SUGP1: variants seen among roughly 807,000 people sequenced by gnomAD.
SUGP1 encodes SURP and G-patch domain containing 1, also known as SURP and G-patch domain-containing protein 1.
In SUGP1, 34 loss-of-function variants were observed where a neutral mutation model predicts 76.5. That is an observed-to-expected ratio of 0.44 (90% CI 0.34 to 0.59). The LOEUF (loss-of-function observed/expected upper bound fraction) is 0.59. SUGP1 is among the 20% of genes least tolerant of loss of function. The pLI, the probability that SUGP1 is intolerant of heterozygous loss-of-function variation, is 0.01. For missense variants in SUGP1, 752 were observed against 851.7 expected, an observed-to-expected ratio of 0.88 and a Z score of 1.46; for synonymous variants, 326 against 326.2, an observed-to-expected ratio of 1.00 and a Z score of 0.01.
At chr19:19,299,542 T>G (rs1047849090) in intron 7 of SUGP1, among the ~76,000 whole-genome samples, 2 of 150,558 alleles carry the variant, frequency 1.3e-5, no homozygotes, top group East Asian at 3.9e-4. Flanking sequence ...CCGGCTAATT[T>G]TTTTTTTTTT....
chr19:19,315,145 A>G (rs866443814), intron 2 of SUGP1, among the ~76,000 whole-genome samples: 22 of 152,122 alleles, frequency 1.4e-4, no homozygotes, highest in Middle Eastern at 6.8e-3. Context: ...TGGGCAACAT[A>G]ACAAGACCTC....
At chr19:19,279,899 C>G (rs1300360180) in intron 9 of SUGP1, among the ~76,000 whole-genome samples, 4 of 152,224 alleles carry the variant, frequency 2.6e-5, no homozygotes, top group African/African-American at 9.6e-5. Context: ...CGGCGAGAAG[C>G]AGCCACAAAG....
chr19:19,317,294 C>T (rs916357530), intron 1 of SUGP1, among the ~76,000 whole-genome samples: 1 of 152,080 alleles, frequency 6.6e-6, no homozygotes, highest in Non-Finnish European at 1.5e-5. Flanking sequence ...AAATAAGAAG[C>T]CAGCGTCATG....
At chr19:19,279,054 T>C (rs1380839265) in intron 10 of SUGP1, among the ~76,000 whole-genome samples, 159 bp downstream of exon 10, 2 of 152,282 alleles carry the variant, frequency 1.3e-5, no homozygotes, top group African/African-American at 4.8e-5. Context: ...CCAGAGAGAC[T>C]GAGCCTCTCA....
intron 1 of SUGP1, among the ~76,000 whole-genome samples, chr19:19,318,999 C>T (rs2061415747): frequency 6.6e-6 from 1 of 152,170 alleles, no homozygotes; most frequent in Non-Finnish European, 1.5e-5. Flanking sequence ...AGGCAGATCA[C>T]TTGAGGTCAG....
At chr19:19,292,214 A>C (rs1257514499) in intron 8 of SUGP1, among the ~76,000 whole-genome samples, 1 of 148,566 alleles carries the variant, frequency 6.7e-6, no homozygotes, top group Non-Finnish European at 1.5e-5. Context: ...TGGAGGTTGC[A>C]GGGAGCCGAG....
chr19:19,297,259 C>T lies in SUGP1; in HGVS notation c.973G>A (p.Gly325Ser). The stretch of plus-strand genomic sequence containing the variant: ...CCGGGATCAGGTGCTGTGAAGCTGC[C>T]TGTGGAGCTGGCCTTGGCTTTCCGG... ...EFRKAKASST[G>S]SFTAPDPGLK... The change falls in exon 8 of 14, where the codon GGC (glycine) becomes AGC (serine). Residue 325 changes from glycine to serine, a missense_variant. Around this residue, in one of 2 missense-constraint regions of SUGP1, gnomAD observed 620 missense variants for 617.3 expected, o/e 1.00. Transcript: ENST00000247001. 6.3e-7 allele frequency: 1 copy of T among 1,576,874 alleles called. No homozygotes were observed. Among genetic ancestry groups the T allele is most frequent in the Non-Finnish European group, 8.6e-7 (1 of 1,156,208 alleles).
At chr19:19,308,807 TC>T (rs1257718093) in intron 3 of SUGP1, among the ~76,000 whole-genome samples, 4 of 152,080 alleles carry the variant, frequency 2.6e-5, no homozygotes, top group Non-Finnish European at 5.9e-5. Flanking sequence ...ATCTGACTTA[TC>T]TGTCTCTGCT....
rs758150595 is a variant in SUGP1 at position 19,305,989 on chromosome 19, C to G, written c.398G>C (p.Gly133Ala). Residue 133 changes from glycine (G) to alanine (A), a missense_variant, in exon 4 of 14, where the codon GGC (glycine) becomes GCC (alanine). Gly to Ala is a moderately conservative substitution (Grantham distance 60). Coordinates refer to ENST00000247001, the MANE Select transcript of SUGP1 (RefSeq NM_172231.4). ...GCCCGGCAGGCTGGCCAGCCCCAGGCCTGTCCGCCTGCTGATGAGCAGGGA... is the reference window on the plus strand; with the variant it reads ...GCCCGGCAGGCTGGCCAGCCCCAGGGCTGTCCGCCTGCTGATGAGCAGGGA... The part of the protein sequence containing the change: ...KRSLLISRRT[G>A]LGLASLPGPV... The G allele has an allele frequency of 1.7e-5, 28 of 1,611,628 alleles. No homozygotes were observed. The highest frequency in any genetic ancestry group is 6.7e-5 in the African/African-American group (5 of 74,936).
chr19:19,278,169 G>T (rs2061068653), intron 11 of SUGP1, among the ~76,000 whole-genome samples: 1 of 152,196 alleles, frequency 6.6e-6, no homozygotes, highest in Non-Finnish European at 1.5e-5. Flanking sequence ...CTGGCAAAGA[G>T]AAGCCCCGTG....
intron 2 of SUGP1, among the ~76,000 whole-genome samples, chr19:19,312,107 G>C (rs1027928963): frequency 1.3e-5 from 2 of 152,102 alleles, no homozygotes; most frequent in East Asian, 1.9e-4. Context: ...TGGGTGTGGT[G>C]GCGTGTGCCT....
chr19:19,287,781 G>C (rs553673004), intron 8 of SUGP1, among the ~76,000 whole-genome samples: 6 of 152,178 alleles, frequency 3.9e-5, no homozygotes. Flanking sequence ...ACATGGACCC[G>C]AGACATGGGC....
chr19:19,307,488 T>C (rs2061325592), intron 3 of SUGP1, among the ~76,000 whole-genome samples: 1 of 152,048 alleles, frequency 6.6e-6, no homozygotes, highest in Non-Finnish European at 1.5e-5. Context: ...AGAAAAAAGC[T>C]TGGAACAAAA....
intron 4 of SUGP1, 30 bp from the exon 5 acceptor site, chr19:19,303,877 A>AGT (rs2061293309): frequency 6.2e-7 from 1 of 1,613,080 alleles, no homozygotes; most frequent in South Asian, 1.1e-5. Flanking sequence ...ACTGGGGTTC[A>AGT]ACTCACACAC....
intron 9 of SUGP1, 57 bp downstream of exon 9, chr19:19,280,128 G>T: frequency 6.5e-7 from 1 of 1,542,016 alleles, no homozygotes; most frequent in Non-Finnish European, 8.9e-7. Context: ...CGGGGGTAGA[G>T]GACAACACTC....
chr19:19,289,510 G>A (rs1032595192), intron 8 of SUGP1, among the ~76,000 whole-genome samples: 1 of 152,180 alleles, frequency 6.6e-6, no homozygotes, highest in Non-Finnish European at 1.5e-5. Context: ...CACTTTGGGA[G>A]GCTGAGGCAG....
At chr19:19,303,889 CCA>C (rs1568631047) in intron 4 of SUGP1, 42 bp from the exon 5 acceptor site, 2 of 1,612,276 alleles carry the variant, frequency 1.2e-6, no homozygotes, top group Non-Finnish European at 8.5e-7. Context: ...CTCACACACC[CCA>C]CAGTCAATAG....
chr19:19,295,430 C>T (rs1402827153), intron 8 of SUGP1, among the ~76,000 whole-genome samples: 1 of 151,582 alleles, frequency 6.6e-6, no homozygotes, highest in Non-Finnish European at 1.5e-5. Flanking sequence ...TGGTGAAACC[C>T]CCTCTCTACT....
intron 7 of SUGP1, among the ~76,000 whole-genome samples, chr19:19,300,291 T>C (rs1310988937): frequency 2.0e-5 from 3 of 151,970 alleles, no homozygotes; most frequent in African/African-American, 4.8e-5. Context: ...GGCCAGGCTG[T>C]TCTCGAACTC....
Sources: gnomAD v4.1 joint callset for allele counts (sites outside exome capture counted in the v4.1 genomes callset) on GRCh38, gnomAD v4.1.1 for gene constraint, gnomAD v4.1.1 regional missense constraint, MANE v1.5 for transcripts, NCBI Gene and HGNC (gene_info 2026-07-23, HGNC 2026-07-21) for gene names.